NLRC5: variants seen among roughly 807,000 people sequenced by gnomAD.
NLRC5 encodes the protein NLR family CARD domain containing 5.
Under a neutral mutation model 206.9 loss-of-function variants are expected in NLRC5, and 114 were observed. The observed-to-expected ratio is 0.55, with a 90% CI of 0.47 to 0.64. The LOEUF is 0.64. Among genes scored for constraint, NLRC5 ranks in the 30% least tolerant of loss-of-function variants. The pLI is 0.00. For synonymous variants in NLRC5, 952 were observed against 962.8 expected (o/e 0.99, Z 0.21); for missense variants, 2,008 against 2,305.5 (o/e 0.87, Z 2.64).
intron 6 of NLRC5, among the ~76,000 whole-genome samples, 156 bp downstream of exon 6, chr16:57,027,174 A>G (rs1311266771): frequency 6.6e-6 from 1 of 152,190 alleles, no homozygotes; most frequent in Admixed American, 6.5e-5. Flanking sequence ...CCATACCTTG[A>G]CAGGACCTCT....
intron 1 of NLRC5, among the ~76,000 whole-genome samples, chr16:56,998,682 C>T (rs2057912464): frequency 6.6e-6 from 1 of 152,166 alleles, no homozygotes; most frequent in Admixed American, 6.5e-5. Flanking sequence ...TGGGAAGAAA[C>T]AGTATTGCTG....
At chr16:56,990,447 GT>G (rs1480579755) in intron 1 of NLRC5, among the ~76,000 whole-genome samples, 1 of 152,186 alleles carries the variant, frequency 6.6e-6, no homozygotes, top group East Asian at 1.9e-4. Flanking sequence ...CGTGGGTGTT[GT>G]TTTGTTACTT....
At chr16:57,018,276 T>C (rs1192147825) in intron 2 of NLRC5, among the ~76,000 whole-genome samples, 1 of 152,218 alleles carries the variant, frequency 6.6e-6, no homozygotes, top group Non-Finnish European at 1.5e-5. Flanking sequence ...GGACTTAGCC[T>C]TGTCTGGTGC....
chr16:57,081,646 G>A, intron 48 of NLRC5, 36 bp downstream of exon 48: 1 of 1,569,878 alleles, frequency 6.4e-7, no homozygotes, highest in East Asian at 2.2e-5. Flanking sequence ...ATGGTGGGTG[G>A]GAGGCTACAC....
intron 39 of NLRC5, 119 bp from the exon 40 acceptor site, chr16:57,076,700 C>A: frequency 2.2e-6 from 2 of 898,450 alleles, no homozygotes; most frequent in East Asian, 2.5e-5. Context: ...AGAAGTTTTG[C>A]TACCAGCATA....
rs1567583559 is a variant in NLRC5, at chr16:57,039,955, C to G, written c.2870+106C>G. The G allele has an allele frequency of 1.1e-5, 11 of 987,876 alleles. No homozygotes were observed. In the South Asian group the frequency reaches 1.5e-4, roughly 14 times the overall value. The allele number at this position is 987,876 out of a possible 1,614,324, so 61.2% of individuals were successfully genotyped here. A position where few individuals can be genotyped will look rare whatever the true frequency, so the allele number is the denominator to read the frequency against. Reference sequence around the variant, plus strand: ...CAGTCAACTGCCAGGGTGACCTGGACAAATTCACGGAAGAGCGGGAAGTGA... The same window carrying G: ...CAGTCAACTGCCAGGGTGACCTGGAGAAATTCACGGAAGAGCGGGAAGTGA... On this transcript the variant is annotated intron_variant, in intron 16 of 48. Transcript: ENST00000688547.
chr16:57,045,532 C>T, intron 21 of NLRC5, 40 bp downstream of exon 21: 3 of 1,595,452 alleles, frequency 1.9e-6, no homozygotes, highest in Non-Finnish European at 1.7e-6. Flanking sequence ...TCCCCTCCCG[C>T]TCTGGTCCCC....
intron 27 of NLRC5, 104 bp from the exon 28 acceptor site, chr16:57,057,961 G>A (rs767126485): frequency 1.9e-5 from 17 of 877,252 alleles, no homozygotes; most frequent in Non-Finnish European, 3.0e-5. Context: ...CCCTGACATG[G>A]GGTCCAGTAG....
intron 1 of NLRC5, among the ~76,000 whole-genome samples, chr16:57,014,892 G>T (rs1273053226): frequency 6.6e-6 from 1 of 151,278 alleles, no homozygotes; most frequent in Non-Finnish European, 1.5e-5. Context: ...AGAGCAAAAA[G>T]AAAGGGCAAG....
In NLRC5 at chr16:57,020,702, G is replaced by A. The variant is rs2060586376; in HGVS notation, c.-11G>A. The A allele has an allele frequency of 6.2e-7, 1 of 1,605,188 alleles. No individual in the cohort carries two copies. ...CACCTATCTTCCCTGTCCCTCCAGG[G>A]CTGGCTCCTCATGGACCCCGTTGGC... On this transcript the variant is annotated splice_region_variant and 5_prime_UTR_variant, in exon 3 of 49. Transcript: ENST00000688547.
At chr16:57,059,139 G>T in intron 29 of NLRC5, 78 bp downstream of exon 29, 2 of 1,610,120 alleles carry the variant, frequency 1.2e-6, no homozygotes, top group East Asian at 4.5e-5. Flanking sequence ...GAGAAGCAAG[G>T]CACCCACACT....
chr16:57,078,920 G>A (rs1443150601), intron 43 of NLRC5, 130 bp from the exon 44 acceptor site: 1 of 797,500 alleles, frequency 1.3e-6, no homozygotes, highest in East Asian at 2.5e-5. Context: ...TACCTACCCA[G>A]GTCCTGTGTG....
chr16:57,020,516 C>A, intron 2 of NLRC5, among the ~76,000 whole-genome samples, 185 bp from the exon 3 acceptor site: 1 of 81,834 alleles, frequency 1.2e-5, no homozygotes, highest in South Asian at 6.8e-4. Flanking sequence ...TGTCCCCCAG[C>A]TCATCTGCCC....
At chr16:57,022,939 C>T (rs2060838119) in intron 4 of NLRC5, among the ~76,000 whole-genome samples, 1 of 152,246 alleles carries the variant, frequency 6.6e-6, no homozygotes, top group Non-Finnish European at 1.5e-5. Flanking sequence ...GTCCCTGGTC[C>T]AATAGGCCCG....
intron 30 of NLRC5, among the ~76,000 whole-genome samples, chr16:57,060,981 A>G (rs1426553151): frequency 6.6e-6 from 1 of 152,234 alleles, no homozygotes; most frequent in African/African-American, 2.4e-5. Context: ...CAGGGAGCTC[A>G]GCCAGTGCTG....
intron 27 of NLRC5, among the ~76,000 whole-genome samples, chr16:57,056,806 G>A (rs1446554689): frequency 6.6e-6 from 1 of 151,928 alleles, no homozygotes; most frequent in Non-Finnish European, 1.5e-5. Flanking sequence ...TTACAGGCAT[G>A]AGCCACCATG....
chr16:57,043,864 C>T, intron 20 of NLRC5: 4 of 529,766 alleles, frequency 7.6e-6, no homozygotes, highest in South Asian at 2.3e-5. Flanking sequence ...CTCACTCGTT[C>T]TTTGGATAGT....
At chr16:57,007,144 T>G (rs58141338) in intron 1 of NLRC5, among the ~76,000 whole-genome samples, 7,062 of 152,194 alleles carry the variant, frequency 0.046, 500 homozygotes, top group African/African-American at 0.15. Flanking sequence ...AGGCTCTCCT[T>G]TCCCAGCAGG....
At chr16:57,073,271 T>C (rs926232113) in intron 38 of NLRC5, among the ~76,000 whole-genome samples, 3 of 152,198 alleles carry the variant, frequency 2.0e-5, no homozygotes, top group Non-Finnish European at 4.4e-5. Flanking sequence ...ATATCTTCCC[T>C]GTCCGAAGGA....
Sources: allele counts gnomAD v4.1 joint callset (sites outside exome capture counted in the v4.1 genomes callset), GRCh38; gene constraint gnomAD v4.1.1; transcripts MANE v1.5; gene names NCBI Gene and HGNC (gene_info 2026-07-23, HGNC 2026-07-21).